SYN2: variants seen among roughly 807,000 people sequenced by gnomAD.
The protein encoded by SYN2 is synapsin-2.
Under a neutral mutation model 50.9 loss-of-function variants are expected in SYN2, and 19 were observed. That is an observed-to-expected ratio of 0.37 (90% confidence interval 0.26 to 0.55). The LOEUF is 0.55. Ranked by LOEUF, SYN2 falls within the 20% of genes least tolerant of loss-of-function variation. The pLI, the probability that SYN2 is intolerant of heterozygous loss-of-function variation, is 0.81. For synonymous variants in SYN2, 255 were observed against 224.9 expected (o/e 1.13, Z -1.20); for missense variants, 587 against 576.4 (o/e 1.02, Z -0.19).
At chr3:12,166,449 G>A (rs1697799944) in intron 7 of SYN2, among the ~76,000 whole-genome samples, 1 of 152,198 alleles carries the variant, frequency 6.6e-6, no homozygotes, top group Non-Finnish European at 1.5e-5. Flanking sequence ...AGGTCACCCA[G>A]CCCATCAAGA....
chr3:12,088,295 A>G (rs1240799617), intron 1 of SYN2, among the ~76,000 whole-genome samples: 1 of 152,244 alleles, frequency 6.6e-6, no homozygotes, highest in African/African-American at 2.4e-5. Flanking sequence ...AATGGCCAAT[A>G]GATATATGAA....
chr3:12,099,975 G>GAAAAAAAAAAAAAAAAA (rs376887129), intron 1 of SYN2, among the ~76,000 whole-genome samples: 1 of 120,186 alleles, frequency 8.3e-6, no homozygotes, highest in African/African-American at 3.2e-5. Context: ...AAAAAAAAAA[G>GAAAAAAAAAAAAAAAAA]AAAAAAAAAA....
intron 11 of SYN2, among the ~76,000 whole-genome samples, chr3:12,186,678 G>A (rs994405113): frequency 2.0e-5 from 3 of 152,192 alleles, no homozygotes; most frequent in Admixed American, 6.5e-5. Flanking sequence ...GTGGGGCATG[G>A]TGGGCCTGGC....
chr3:12,047,821 T>C (rs1289703831), intron 1 of SYN2, among the ~76,000 whole-genome samples: 2 of 152,178 alleles, frequency 1.3e-5, no homozygotes, highest in African/African-American at 4.8e-5. Flanking sequence ...CATTAGTTGT[T>C]GGAGTTGTAA....
intron 1 of SYN2, among the ~76,000 whole-genome samples, chr3:12,055,613 C>T (rs1430339183): frequency 6.6e-6 from 1 of 152,032 alleles, no homozygotes; most frequent in African/African-American, 2.4e-5. Flanking sequence ...TATATCCCAC[C>T]AACTGTTTGA....
At chr3:12,041,467 G>A (rs1694608805) in intron 1 of SYN2, among the ~76,000 whole-genome samples, 1 of 152,154 alleles carries the variant, frequency 6.6e-6, no homozygotes, top group African/African-American at 2.4e-5. Flanking sequence ...TACACAATTG[G>A]GTGATTGGTT....
intron 5 of SYN2, chr3:12,156,946 T>A (rs1418562920): frequency 6.2e-7 from 1 of 1,605,254 alleles, no homozygotes. Context: ...TGACAGGCAA[T>A]TACAAAAAAA....
intron 1 of SYN2, among the ~76,000 whole-genome samples, chr3:12,119,711 G>T (rs1696510209): frequency 6.6e-6 from 1 of 152,100 alleles, no homozygotes; most frequent in South Asian, 2.1e-4. Flanking sequence ...TTTTACCTAT[G>T]TCAGGAAAGC....
chr3:12,142,168 C>G (rs1489851186), intron 3 of SYN2, among the ~76,000 whole-genome samples, 172 bp downstream of exon 3: 1 of 152,138 alleles, frequency 6.6e-6, no homozygotes, highest in Non-Finnish European at 1.5e-5. Flanking sequence ...GAGAGAAAGC[C>G]AGCTTCTCGC....
intron 3 of SYN2, among the ~76,000 whole-genome samples, chr3:12,142,910 A>G (rs1428706369): frequency 2.0e-5 from 3 of 152,202 alleles, no homozygotes; most frequent in Non-Finnish European, 4.4e-5. Flanking sequence ...GGACCTAACA[A>G]CAGGAAATAC....
chr3:12,169,857 G>T lies in SYN2; in HGVS notation c.1259G>T (p.Arg420Met). Residue 420 changes from arginine (R) to methionine (M), a missense_variant, in exon 10 of 13, where the codon AGG (arginine) becomes ATG (methionine). Arg to Met is a moderately conservative substitution (Grantham distance 91). Coordinates refer to ENST00000621198, the MANE Select transcript of SYN2 (RefSeq NM_133625.6). ...VISKMNQLLS[R>M]TPALSPQRPL... Reference sequence around the variant, plus strand: ...AGCAAGATGAACCAGCTGCTGTCCAGGACTCCTGCCCTGTCTCCTCAGAGA... The same window carrying T: ...AGCAAGATGAACCAGCTGCTGTCCATGACTCCTGCCCTGTCTCCTCAGAGA... 1 of 1,613,452 alleles carries T rather than the reference G, an allele frequency of 6.2e-7. No homozygotes were observed. Among genetic ancestry groups the T allele is most frequent in the Non-Finnish European group, 8.5e-7 (1 of 1,179,666 alleles).
At chr3:12,020,471 G>A (rs1460611903) in intron 1 of SYN2, among the ~76,000 whole-genome samples, 1 of 151,960 alleles carries the variant, frequency 6.6e-6, no homozygotes, top group African/African-American at 2.4e-5. Context: ...TGAAGCACCT[G>A]GCCCTCTGAC....
chr3:12,018,282 A>G (rs1448461462), intron 1 of SYN2, among the ~76,000 whole-genome samples: 9 of 152,184 alleles, frequency 5.9e-5, no homozygotes, highest in Non-Finnish European at 1.5e-5. Flanking sequence ...AAGAGATAGT[A>G]AAAATATAGT....
chr3:12,186,423 T>G (rs1698342569), intron 11 of SYN2, among the ~76,000 whole-genome samples: 2 of 152,122 alleles, frequency 1.3e-5, no homozygotes, highest in Non-Finnish European at 2.9e-5. Context: ...ACCAGATGGT[T>G]TAGTGTTTCA....
intron 1 of SYN2, among the ~76,000 whole-genome samples, chr3:12,015,243 G>C (rs1285235852): frequency 6.6e-6 from 1 of 152,118 alleles, no homozygotes; most frequent in Non-Finnish European, 1.5e-5. Flanking sequence ...ATTTCCATTT[G>C]TGTTAGAAAC....
intron 10 of SYN2, among the ~76,000 whole-genome samples, chr3:12,182,131 C>T (rs1292323440): frequency 1.3e-5 from 2 of 152,152 alleles, no homozygotes; most frequent in African/African-American, 2.4e-5. Context: ...CACTTCCTGG[C>T]AGTGGAGCTG....
At chr3:12,174,584 C>T (rs907870652) in intron 10 of SYN2, among the ~76,000 whole-genome samples, 6 of 152,140 alleles carry the variant, frequency 3.9e-5, no homozygotes, top group African/African-American at 1.2e-4. Context: ...CGGGTTCAAG[C>T]GATTCCCCTG....
intron 1 of SYN2, among the ~76,000 whole-genome samples, chr3:12,107,912 T>C (rs1696230272): frequency 6.6e-6 from 1 of 152,128 alleles, no homozygotes; most frequent in South Asian, 2.1e-4. Context: ...TTTCTTCTGA[T>C]TTAAGAAAGT....
chr3:12,053,629 GGCAT>G (rs201386847), intron 1 of SYN2, among the ~76,000 whole-genome samples: 7,233 of 151,970 alleles, frequency 0.048, 237 homozygotes, highest in East Asian at 0.14. Context: ...AGAGCTAGGT[GGCAT>G]ACTTACTATG....
Sources: allele counts gnomAD v4.1 joint callset (sites outside exome capture counted in the v4.1 genomes callset), GRCh38; gene constraint gnomAD v4.1.1; transcripts MANE v1.5; gene names NCBI Gene and HGNC (gene_info 2026-07-23, HGNC 2026-07-21).